Variants in CSMD1 observed in about 807,000 individuals in gnomAD.
CSMD1 encodes the protein CUB and sushi domain-containing protein 1.
CSMD1 carries 213 observed loss-of-function variants against 417.5 expected under a neutral mutation model. That is an observed-to-expected ratio of 0.51 (90% CI 0.46 to 0.57). The LOEUF is 0.57. CSMD1 is among the 20% of genes least tolerant of loss of function. The pLI is 0.00. For synonymous variants in CSMD1, 2,862 were observed against 1,736.8 expected (o/e 1.65, Z -16.11); for missense variants, 6,923 against 4,529.7 (o/e 1.53, Z -15.17).
intron 12 of CSMD1, among the ~76,000 whole-genome samples, chr8:3,419,591 C>T (rs909933246): frequency 6.6e-5 from 10 of 152,050 alleles, no homozygotes; most frequent in African/African-American, 1.2e-4. Flanking sequence ...GAAAATCCCA[C>T]GTCTGGCCAA....
intron 5 of CSMD1, among the ~76,000 whole-genome samples, chr8:3,852,312 T>A (rs1037354944): frequency 6.6e-6 from 1 of 151,778 alleles, no homozygotes; most frequent in Non-Finnish European, 1.5e-5. Flanking sequence ...GAGGTGGGGT[T>A]TGTAGGGAGC....
At chr8:4,977,889 A>C (rs1317388363) in intron 1 of CSMD1, among the ~76,000 whole-genome samples, 2 of 152,218 alleles carry the variant, frequency 1.3e-5, no homozygotes, top group African/African-American at 4.8e-5. Context: ...ATACTTAATC[A>C]ACTCATTCAT....
At chr8:4,206,049 T>C (rs1799958988) in intron 3 of CSMD1, among the ~76,000 whole-genome samples, 1 of 152,070 alleles carries the variant, frequency 6.6e-6, no homozygotes, top group African/African-American at 2.4e-5. Flanking sequence ...CCATAAATCT[T>C]CCCTGGATCC....
intron 3 of CSMD1, among the ~76,000 whole-genome samples, chr8:4,191,294 G>A (rs572520522): frequency 2.0e-4 from 30 of 152,244 alleles, no homozygotes; most frequent in Admixed American, 1.7e-3. Flanking sequence ...TACTCGGGAG[G>A]CTGAGGCAGG....
At chr8:4,099,558 T>A (rs1219541942) in intron 3 of CSMD1, among the ~76,000 whole-genome samples, 2 of 152,072 alleles carry the variant, frequency 1.3e-5, no homozygotes, top group Non-Finnish European at 2.9e-5. Flanking sequence ...GAAGTACTGT[T>A]TAAGGCATGG....
In CSMD1 at chr8:4,293,845, C is replaced by A. The variant is rs60865499; in HGVS notation, c.415+126108G>T. 1.3e-3 allele frequency among the ~76,000 whole-genome samples: 192 copies of A among 152,264 alleles called. 1 individual carries two copies. Among genetic ancestry groups the A allele is most frequent in the African/African-American group, 4.4e-3 (183 of 41,568 alleles). ...CCATTTTAACATTCAGTGTCCAAAG[C>A]TGTTCTACTAGTTTTTGACTCAGTG... is the stretch of plus-strand genomic sequence containing the variant. On this transcript the variant is annotated intron_variant, in intron 3 of 69. Transcript: ENST00000635120.
chr8:3,181,881 G>C (rs561374480), intron 36 of CSMD1, among the ~76,000 whole-genome samples: 10 of 152,328 alleles, frequency 6.6e-5, no homozygotes, highest in Non-Finnish European at 8.8e-5. Flanking sequence ...GATGCTGGCA[G>C]GTGCTGAGGA....
chr8:3,994,149 G>C (rs1434026813), intron 5 of CSMD1, among the ~76,000 whole-genome samples: 1 of 152,076 alleles, frequency 6.6e-6, no homozygotes, highest in Non-Finnish European at 1.5e-5. Context: ...TATTTGTTTT[G>C]GGACACATTT....
chr8:3,947,368 T>C (rs1425074272), intron 5 of CSMD1, among the ~76,000 whole-genome samples: 9 of 152,250 alleles, frequency 5.9e-5, no homozygotes, highest in Non-Finnish European at 5.9e-5. Flanking sequence ...CTCGTATTCC[T>C]GAAAGTGACC....
chr8:3,990,303 T>C (rs1308355226), intron 5 of CSMD1, among the ~76,000 whole-genome samples: 4 of 152,208 alleles, frequency 2.6e-5, no homozygotes, highest in Admixed American at 1.3e-4. Context: ...AAAGTATTTT[T>C]CAATAAAATG....
intron 2 of CSMD1, among the ~76,000 whole-genome samples, chr8:4,465,410 G>A (rs75556101): frequency 3.3e-5 from 5 of 152,264 alleles, no homozygotes; most frequent in Non-Finnish European, 7.4e-5. Context: ...TCATCATGCT[G>A]AAGGAGCCTT....
chr8:4,017,510 T>G (rs572663214), intron 4 of CSMD1, among the ~76,000 whole-genome samples: 2 of 152,278 alleles, frequency 1.3e-5, no homozygotes, highest in East Asian at 3.9e-4. Flanking sequence ...TTCTCCATGT[T>G]GGTCAGGCTG....
At chr8:3,149,250 A>G (rs887802940) in intron 40 of CSMD1, among the ~76,000 whole-genome samples, 52 of 152,380 alleles carry the variant, frequency 3.4e-4, no homozygotes, top group African/African-American at 1.2e-3. Context: ...CAGAAATGAT[A>G]AAATAGTAAC....
chr8:4,441,095 G>GTTTTTGTTTTTTTTTTTTTTTTTT (rs1798444278), intron 2 of CSMD1, among the ~76,000 whole-genome samples: 1 of 51,296 alleles, frequency 1.9e-5, no homozygotes, highest in African/African-American at 6.7e-5. Flanking sequence ...TAATCAAAAG[G>GTTTTTGTTTTTTTTTTTTTTTTTT]TTTTTTTTTT....
intron 15 of CSMD1, among the ~76,000 whole-genome samples, chr8:3,400,412 T>C (rs902887845): frequency 6.6e-6 from 1 of 152,138 alleles, no homozygotes; most frequent in African/African-American, 2.4e-5. Flanking sequence ...AAAATGGCCA[T>C]ATGTATAATG....
At chr8:2,959,149 A>T (rs1803257368) in intron 62 of CSMD1, among the ~76,000 whole-genome samples, 1 of 152,216 alleles carries the variant, frequency 6.6e-6, no homozygotes, top group African/African-American at 2.4e-5. Context: ...TATTGCCCAG[A>T]GTATACAGCA....
intron 3 of CSMD1, among the ~76,000 whole-genome samples, chr8:4,246,700 A>T (rs1322993671): frequency 6.6e-6 from 1 of 152,110 alleles, no homozygotes; most frequent in Non-Finnish European, 1.5e-5. Flanking sequence ...TTAATTTTTC[A>T]TTGTTTTTTA....
At chr8:4,113,914 G>A (rs1330845306) in intron 3 of CSMD1, among the ~76,000 whole-genome samples, 1 of 152,206 alleles carries the variant, frequency 6.6e-6, no homozygotes, top group Non-Finnish European at 1.5e-5. Flanking sequence ...TCCGAAGCCA[G>A]CAGAGACTGG....
intron 5 of CSMD1, among the ~76,000 whole-genome samples, chr8:3,923,641 TC>T (rs1274331519): frequency 6.6e-6 from 1 of 152,182 alleles, no homozygotes; most frequent in Non-Finnish European, 1.5e-5. Flanking sequence ...AACTCTACTC[TC>T]TTAGAAATTT....
Sources: gnomAD v4.1 joint callset for allele counts (sites outside exome capture counted in the v4.1 genomes callset) on GRCh38, gnomAD v4.1.1 for gene constraint, MANE v1.5 for transcripts, NCBI Gene and HGNC (gene_info 2026-07-23, HGNC 2026-07-21) for gene names.